Variants in NEIL3 observed in about 807,000 individuals in gnomAD.
The protein encoded by NEIL3 is endonuclease 8-like 3.
In NEIL3, 48 loss-of-function variants were observed where a neutral mutation model predicts 57.5. The ratio of observed to expected loss-of-function variants is 0.83; its 90% confidence interval spans 0.66 to 1.06. The LOEUF is 1.06. Among genes scored for constraint, NEIL3 ranks in the 50% least tolerant of loss-of-function variants. The probability of loss-of-function intolerance (pLI) is 0.00; values close to 1 mark genes in which losing one functional copy is unlikely to be tolerated. For synonymous variants in NEIL3, 261 were observed against 253.2 expected (o/e 1.03, Z -0.29); for missense variants, 717 against 739.1 (o/e 0.97, Z 0.35).
At chr4:177,320,522 G>T (rs1338019456) in intron 1 of NEIL3, among the ~76,000 whole-genome samples, 3 of 137,990 alleles carry the variant, frequency 2.2e-5, no homozygotes, top group Non-Finnish European at 3.0e-5. Flanking sequence ...GTGTCTCCCA[G>T]GCTGGTGTGC....
intron 2 of NEIL3, among the ~76,000 whole-genome samples, chr4:177,329,776 G>GAACA: frequency 6.6e-6 from 1 of 152,182 alleles, no homozygotes; most frequent in East Asian, 1.9e-4. Flanking sequence ...AGTGCATGTG[G>GAACA]AACACTTAGC....
At chr4:177,323,830 G>A (rs2111118875) in intron 2 of NEIL3, among the ~76,000 whole-genome samples, 1 of 152,254 alleles carries the variant, frequency 6.6e-6, no homozygotes, top group South Asian at 2.1e-4. Context: ...GACTGATAAG[G>A]GGGAAGTCAT....
chr4:177,361,545 C>T (rs1735607807), intron 9 of NEIL3, among the ~76,000 whole-genome samples: 1 of 152,218 alleles, frequency 6.6e-6, no homozygotes, highest in Admixed American at 6.5e-5. Context: ...CTCTACCCTA[C>T]AAAATTCACA....
chr4:177,335,839 A>G lies in NEIL3; in HGVS notation c.413+17A>G. Reference sequence around the variant, plus strand: ...AGAACTCAGGTAAAAAAAATTAAATAAAAGTACTTACGCTGCAATACTGCA... The same window carrying G: ...AGAACTCAGGTAAAAAAAATTAAATGAAAGTACTTACGCTGCAATACTGCA... On this transcript the variant is annotated intron_variant, in intron 3 of 9. Coordinates refer to ENST00000264596, the MANE Select transcript of NEIL3 (RefSeq NM_018248.3). 5 of 1,522,830 alleles carry G rather than the reference A, an allele frequency of 3.3e-6. No homozygotes were observed. The highest frequency in any genetic ancestry group is 1.3e-5 in the South Asian group (1 of 74,772). 94.3% of individuals were successfully genotyped at this position (1,522,830 alleles called of 1,614,324 possible).
At chr4:177,361,918 A>G (rs1344367777) in intron 9 of NEIL3, among the ~76,000 whole-genome samples, 1 of 152,072 alleles carries the variant, frequency 6.6e-6, no homozygotes, top group Non-Finnish European at 1.5e-5. Context: ...GAGCCACCGC[A>G]CCTCACCTGA....
At chr4:177,353,174 T>G (rs1352618959) in intron 7 of NEIL3, 134 bp from the exon 8 acceptor site, 1 of 684,702 alleles carries the variant, frequency 1.5e-6, no homozygotes, top group African/African-American at 1.8e-5. Flanking sequence ...GAGCTAACTT[T>G]GTGTTATTAG....
intron 8 of NEIL3, among the ~76,000 whole-genome samples, chr4:177,358,451 G>A (rs1735529903): frequency 6.6e-6 from 1 of 152,070 alleles, no homozygotes; most frequent in South Asian, 2.1e-4. Flanking sequence ...GGGATTAGAG[G>A]CACCCGCCAC....
At chr4:177,320,205 A>G (rs6822728) in intron 1 of NEIL3, among the ~76,000 whole-genome samples, 73,399 of 151,876 alleles carry the variant, frequency 0.48, 18,735 homozygotes, top group African/African-American at 0.66. Flanking sequence ...TCTCCTGTTA[A>G]GGAGAAAAGC....
chr4:177,349,654 G>A (rs1467777588), intron 6 of NEIL3, among the ~76,000 whole-genome samples: 1 of 152,114 alleles, frequency 6.6e-6, no homozygotes, highest in East Asian at 1.9e-4. Context: ...GTCTTTGGGA[G>A]GCCATTATTC....
At chr4:177,344,617 A>G (rs1383358873) in intron 6 of NEIL3, among the ~76,000 whole-genome samples, 2 of 152,036 alleles carry the variant, frequency 1.3e-5, no homozygotes, top group East Asian at 3.9e-4. Flanking sequence ...GCTGGAGTAC[A>G]GTGGTGTGAT....
chr4:177,332,140 T>G (rs926890301), intron 2 of NEIL3, among the ~76,000 whole-genome samples: 1 of 152,096 alleles, frequency 6.6e-6, no homozygotes, highest in East Asian at 1.9e-4. Context: ...AAGGTCGCAG[T>G]TTTCTTAGGG....
chr4:177,329,076 ATAAAACC>A (rs1171262013), intron 2 of NEIL3, among the ~76,000 whole-genome samples: 1 of 152,166 alleles, frequency 6.6e-6, no homozygotes. Flanking sequence ...GATGTGTATT[ATAAAACC>A]TAGAGCAACT....
intron 1 of NEIL3, among the ~76,000 whole-genome samples, chr4:177,318,900 A>C (rs1202460974): frequency 3.3e-5 from 5 of 152,238 alleles, no homozygotes; most frequent in Non-Finnish European, 7.3e-5. Context: ...CATCTAGAAC[A>C]AGGCCTGACA....
At chr4:177,314,212 A>G (rs988003915) in intron 1 of NEIL3, among the ~76,000 whole-genome samples, 1 of 152,208 alleles carries the variant, frequency 6.6e-6, no homozygotes, top group African/African-American at 2.4e-5. Context: ...CATTATTGGT[A>G]TCCAGAATCC....
rs373465145 is a variant in NEIL3 at position 177,338,093 on chromosome 4, A to G, written c.628-1690A>G. Reference sequence around the variant, plus strand: ...TTAGCTTCTTAAAAGCACGTGCACAATTACTGAAAAAGTACAGTTTAACTT... The same window carrying G: ...TTAGCTTCTTAAAAGCACGTGCACAGTTACTGAAAAAGTACAGTTTAACTT... On this transcript the variant is annotated intron_variant, in intron 4 of 9. Coordinates refer to ENST00000264596, the MANE Select transcript of NEIL3 (RefSeq NM_018248.3). Among the ~76,000 whole-genome samples the G allele has an allele frequency of 8.5e-5, 13 of 152,258 alleles. No homozygotes were observed. The South Asian group carries it at 2.5e-3, about 29-fold the overall frequency.
chr4:177,327,156 T>C (rs3965887), intron 2 of NEIL3, among the ~76,000 whole-genome samples: 12,277 of 152,082 alleles, frequency 0.081, 772 homozygotes, highest in East Asian at 0.28. Flanking sequence ...CCTTGCTTCC[T>C]TTTCACCTTC....
At chr4:177,339,995 T>C in intron 5 of NEIL3, 138 bp downstream of exon 5, 1 of 626,096 alleles carries the variant, frequency 1.6e-6, no homozygotes, top group South Asian at 2.0e-5. Flanking sequence ...AGTGACATTA[T>C]GTGGGTGTAA....
At chr4:177,332,155 T>C (rs1276281066) in intron 2 of NEIL3, among the ~76,000 whole-genome samples, 1 of 152,224 alleles carries the variant, frequency 6.6e-6, no homozygotes, top group Non-Finnish European at 1.5e-5. Flanking sequence ...TTAGGGTTGC[T>C]GTCCCTTGCC....
chr4:177,349,034 ATTTTTTTTTTTTTT>A (rs70938582), intron 6 of NEIL3, among the ~76,000 whole-genome samples: 2 of 100,428 alleles, frequency 2.0e-5, no homozygotes, highest in African/African-American at 8.2e-5. Flanking sequence ...CACCTGGCTA[ATTTTTTTTTTTTTT>A]TTTTTTTGTA....
Sources: allele counts gnomAD v4.1 joint callset (sites outside exome capture counted in the v4.1 genomes callset), GRCh38; gene constraint gnomAD v4.1.1; transcripts MANE v1.5; gene names NCBI Gene and HGNC (gene_info 2026-07-23, HGNC 2026-07-21).